CNNM2: variants seen among roughly 807,000 people sequenced by gnomAD.
The protein encoded by CNNM2 is metal transporter CNNM2.
Under a neutral mutation model 66.9 loss-of-function variants are expected in CNNM2, and 12 were observed. The observed-to-expected ratio is 0.18, with a 90% CI of 0.11 to 0.29. The LOEUF (loss-of-function observed/expected upper bound fraction) is 0.29. CNNM2 is among the 10% of genes least tolerant of loss of function. The pLI is 1.00. For missense variants in CNNM2, 705 were observed against 1,167.7 expected, an observed-to-expected ratio of 0.60 and a Z score of 5.77; for synonymous variants, 557 against 501.8, an observed-to-expected ratio of 1.11 and a Z score of -1.47.
intron 1 of CNNM2, among the ~76,000 whole-genome samples, chr10:103,043,191 C>A (rs1211037600): frequency 2.6e-5 from 4 of 152,146 alleles, no homozygotes; most frequent in Non-Finnish European, 5.9e-5. Context: ...GGTCTGTTTT[C>A]TTCCTGCTGT....
Position 102,918,856 on chromosome 10 carries a change from C to A in CNNM2, c.376C>A (p.Arg126=). Residue 126 remains arginine (R), a synonymous_variant, in exon 1 of 8, where the codon CGG becomes AGG. Coordinates refer to ENST00000369878, the MANE Select transcript of CNNM2 (RefSeq NM_017649.5). The surrounding 1 kb of genome is among the most constrained non-coding windows in gnomAD (Gnocchi z 4.1). The part of the protein sequence containing the change: ...SRIAFTEHER[R]RHSPGERGLG... ...CATCGCCTTCACCGAGCACGAGCGG[C>A]GGCGCCACAGCCCGGGGGAGCGCGG... 6.3e-7 allele frequency: 1 copy of A among 1,588,662 alleles called. No individual in the cohort carries two copies. Among genetic ancestry groups the A allele is most frequent in the South Asian group, 1.1e-5 (1 of 88,516 alleles).
intron 1 of CNNM2, among the ~76,000 whole-genome samples, chr10:103,015,472 CACTT>C (rs1014236478): frequency 7.3e-5 from 9 of 122,938 alleles, no homozygotes; most frequent in African/African-American, 2.6e-4. Context: ...TGATTTATAA[CACTT>C]ACAAATTATT....
chr10:102,950,003 A>G (rs1284628216), intron 1 of CNNM2, among the ~76,000 whole-genome samples: 2 of 152,180 alleles, frequency 1.3e-5, no homozygotes, highest in Non-Finnish European at 2.9e-5. Flanking sequence ...CTAAAGCACG[A>G]CCACTATAGA....
intron 1 of CNNM2, among the ~76,000 whole-genome samples, chr10:103,042,523 C>G (rs759020547): frequency 2.6e-5 from 4 of 152,230 alleles, no homozygotes; most frequent in African/African-American, 4.8e-5. Flanking sequence ...TGTCCATCTC[C>G]CCTGCTCGAA....
intron 1 of CNNM2, among the ~76,000 whole-genome samples, chr10:102,959,101 A>G (rs1231577069): frequency 9.9e-5 from 15 of 151,718 alleles, no homozygotes; most frequent in Admixed American, 9.2e-4. Flanking sequence ...CACCTGGCTA[A>G]TTTTTGTATT....
chr10:103,036,842 G>A (rs1228346737), intron 1 of CNNM2, among the ~76,000 whole-genome samples: 4 of 152,158 alleles, frequency 2.6e-5, no homozygotes, highest in Non-Finnish European at 5.9e-5. Flanking sequence ...AGAAAACTAA[G>A]GCCTTATTTT....
rs1485817394 is a variant in CNNM2 at position 103,087,009 on chromosome 10, G to A, written c.*9829G>A. 1.3e-5 allele frequency: 2 copies of A among 152,140 alleles called. No individual in the cohort carries two copies. The highest frequency in any genetic ancestry group is 4.8e-5 in the African/African-American group (2 of 41,394). 9.4% of individuals were successfully genotyped at this position (152,140 alleles called of 1,614,324 possible). On this transcript the variant is annotated 3_prime_UTR_variant, in exon 8 of 8. Transcript: ENST00000369878. ...CCTGTCAGTACATGCTGTAAGGTTG[G>A]GAGTTCAGTCTAGCAACCAAGAAGG...
chr10:103,016,086 C>G (rs2064441678), intron 1 of CNNM2, among the ~76,000 whole-genome samples: 1 of 152,108 alleles, frequency 6.6e-6, no homozygotes, highest in South Asian at 2.1e-4. Context: ...TGTAGACTTT[C>G]TGACAGAAAC....
At chr10:103,052,799 C>T (rs1324494575) in intron 2 of CNNM2, among the ~76,000 whole-genome samples, 2 of 152,162 alleles carry the variant, frequency 1.3e-5, no homozygotes, top group South Asian at 2.1e-4. Flanking sequence ...TAGGCGTCAC[C>T]GTGCCTGGCC....
At chr10:103,009,674 CAAAAAAAAA>C (rs36096913) in intron 1 of CNNM2, among the ~76,000 whole-genome samples, 2 of 58,636 alleles carry the variant, frequency 3.4e-5, no homozygotes, top group African/African-American at 7.3e-5. Flanking sequence ...CCTGAGTCTC[CAAAAAAAAA>C]AAAAAAAAAA....
chr10:103,039,503 G>A (rs1357124034), intron 1 of CNNM2, among the ~76,000 whole-genome samples: 1 of 152,180 alleles, frequency 6.6e-6, no homozygotes, highest in Non-Finnish European at 1.5e-5. Context: ...ATTCATCCAT[G>A]TATTCATTAC....
chr10:103,049,940 C>T (rs2134329912), intron 2 of CNNM2, 90 bp downstream of exon 2: 5 of 1,301,232 alleles, frequency 3.8e-6, no homozygotes, highest in Admixed American at 2.0e-5. Flanking sequence ...CCAGTTGCTG[C>T]CTCTGTTTAT....
chr10:103,018,352 A>G (rs971722677), intron 1 of CNNM2, among the ~76,000 whole-genome samples: 11 of 152,162 alleles, frequency 7.2e-5, no homozygotes, highest in African/African-American at 2.7e-4. Context: ...GGAGGAACAT[A>G]TTTAGAGAAA....
At chr10:103,012,844 TACTG>T (rs1171373520) in intron 1 of CNNM2, among the ~76,000 whole-genome samples, 11 of 152,166 alleles carry the variant, frequency 7.2e-5, no homozygotes, top group African/African-American at 2.7e-4. Flanking sequence ...GATCCAAAGA[TACTG>T]AACATTCTCC....
intron 1 of CNNM2, among the ~76,000 whole-genome samples, chr10:102,968,311 A>G (rs539491877): frequency 2.0e-5 from 3 of 152,206 alleles, no homozygotes; most frequent in South Asian, 2.1e-4. Context: ...CAATGGCGCA[A>G]TCTCGGCTGA....
chr10:103,029,294 T>G (rs1054951034), intron 1 of CNNM2, among the ~76,000 whole-genome samples: 3 of 140,646 alleles, frequency 2.1e-5, no homozygotes, highest in African/African-American at 8.0e-5. Flanking sequence ...AAACCCCATC[T>G]CTACTTAAAA....
chr10:103,032,661 C>CTTT lies in CNNM2; in HGVS notation c.1622-17027_1622-17025dup, dbSNP rs11300982. On this transcript the variant is annotated intron_variant, in intron 1 of 7. Transcript: ENST00000369878. ...GCCTTTCATAACAATTGATGTAGCT[C>CTTT]TTTTTTTTTTTTTTTTTTTTTAAAT... Among the ~76,000 whole-genome samples the CTTT allele has an allele frequency of 4.0e-4, 48 of 120,568 alleles. 1 individual carries two copies. In the South Asian group the frequency reaches 6.1e-3, roughly 15 times the overall value. 79.1% of individuals were successfully genotyped at this position (120,568 alleles called of 152,430 possible).
intron 1 of CNNM2, among the ~76,000 whole-genome samples, chr10:102,934,655 G>C (rs1471387508): frequency 1.3e-5 from 2 of 152,040 alleles, no homozygotes; most frequent in Non-Finnish European, 2.9e-5. Flanking sequence ...TGGGATTGGA[G>C]ATAAGCACAG....
At chr10:103,021,030 T>C (rs970154332) in intron 1 of CNNM2, among the ~76,000 whole-genome samples, 1 of 152,162 alleles carries the variant, frequency 6.6e-6, no homozygotes, top group Non-Finnish European at 1.5e-5. Flanking sequence ...TGCTTCTCCC[T>C]ATGGTGGAGT....
Sources: gnomAD v4.1 joint callset for allele counts (sites outside exome capture counted in the v4.1 genomes callset) on GRCh38, gnomAD v4.1.1 for gene constraint, Gnocchi (gnomAD v3.1) non-coding constraint, MANE v1.5 for transcripts, NCBI Gene and HGNC (gene_info 2026-07-23, HGNC 2026-07-21) for gene names.